AR: variants seen among roughly 807,000 people sequenced by gnomAD.
AR encodes the protein androgen receptor.
Under a neutral mutation model 53.9 loss-of-function variants are expected in AR, and 8 were observed. The ratio of observed to expected loss-of-function variants is 0.15; its 90% CI spans 0.09 to 0.27. The LOEUF (loss-of-function observed/expected upper bound fraction) is 0.27. Ranked by LOEUF, AR falls within the 10% of genes least tolerant of loss-of-function variation. The pLI, the probability that AR is intolerant of heterozygous loss-of-function variation, is 1.00. For synonymous variants in AR, 359 were observed against 316.4 expected, an observed-to-expected ratio of 1.13 and a Z score of -1.43; for missense variants, 639 against 742.5, an observed-to-expected ratio of 0.86 and a Z score of 1.62.
At chrX:67,683,406 A>C (rs2075947516) in intron 2 of AR, among the ~76,000 whole-genome samples, 1 of 112,047 alleles carries the variant, frequency 8.9e-6, no homozygotes. Context: ...TTAAAAAAAA[A>C]AAACTCTGTA....
At chrX:67,651,668 A>T (rs555846224) in intron 2 of AR, among the ~76,000 whole-genome samples, 1 of 111,773 alleles carries the variant, frequency 8.9e-6, no homozygotes, top group East Asian at 2.9e-4. Context: ...GTTAAGAAAG[A>T]TGTTAAGTAC....
At position 67,664,592 on chromosome X, in the gene AR, G is replaced by T. The variant is rs1047871961; in HGVS notation, c.1768+21185G>T. Reference sequence around the variant, plus strand: ...AACCACTTGAGGAGGCAGTCTGTCCGTTCTCAGATCTCCAGCTGCATACTG... The same window carrying T: ...AACCACTTGAGGAGGCAGTCTGTCCTTTCTCAGATCTCCAGCTGCATACTG... On this transcript the variant is annotated intron_variant, in intron 2 of 7. Coordinates refer to ENST00000374690, the MANE Select transcript of AR (RefSeq NM_000044.6). Among the ~76,000 whole-genome samples the T allele has an allele frequency of 2.7e-5, 3 of 112,231 alleles. No individual in the cohort carries two copies. The East Asian group carries it at 8.4e-4, about 32-fold the overall frequency.
intron 1 of AR, among the ~76,000 whole-genome samples, chrX:67,628,294 G>T (rs1412837448): frequency 9.9e-6 from 1 of 101,256 alleles, no homozygotes; most frequent in Non-Finnish European, 2.0e-5. Flanking sequence ...CCATTTGTTT[G>T]TATCCTCTTT....
intron 1 of AR, among the ~76,000 whole-genome samples, chrX:67,624,264 G>C (rs746284139): frequency 2.7e-4 from 30 of 111,609 alleles, no homozygotes; most frequent in Middle Eastern, 4.7e-3. Context: ...CAAAAAATTA[G>C]ATGACCTAGA....
In AR at chrX:67,629,336, A is replaced by C. The variant is rs751153809; in HGVS notation, c.1617-13920A>C. Reference sequence around the variant, plus strand: ...CAGATCCTGTTATTGGTCTATTCAGAGATTCAACTTCTTCCTGGTTTAGTC... The same window carrying C: ...CAGATCCTGTTATTGGTCTATTCAGCGATTCAACTTCTTCCTGGTTTAGTC... On this transcript the variant is annotated intron_variant, in intron 1 of 7. Coordinates refer to ENST00000374690, the MANE Select transcript of AR (RefSeq NM_000044.6). Among the ~76,000 whole-genome samples, 709 of 109,065 alleles carry C rather than the reference A, an allele frequency of 6.5e-3. 3 individuals carry two copies. The highest frequency in any genetic ancestry group is 9.8e-3 in the Non-Finnish European group (510 of 52,205). The allele number at this position is 109,065 out of a possible 115,157, so 94.7% of individuals were successfully genotyped here.
At chrX:67,651,732 T>G (rs1462050160) in intron 2 of AR, among the ~76,000 whole-genome samples, 1 of 111,965 alleles carries the variant, frequency 8.9e-6, no homozygotes, top group Non-Finnish European at 1.9e-5. Flanking sequence ...AGGGAACTTG[T>G]CTTCCTAAGA....
intron 1 of AR, among the ~76,000 whole-genome samples, chrX:67,629,562 A>G (rs1271500432): frequency 1.8e-5 from 2 of 108,988 alleles, no homozygotes; most frequent in African/African-American, 6.7e-5. Context: ...CAGTCTATCA[A>G]TTTTGTTGAT....
intron 1 of AR, among the ~76,000 whole-genome samples, chrX:67,571,693 AT>A (rs979271501): frequency 5.4e-5 from 6 of 111,348 alleles, no homozygotes; most frequent in Admixed American, 3.8e-4. Flanking sequence ...TATTCAAATA[AT>A]TTTTTTAATT....
At chrX:67,678,657 A>AT (rs1466034357) in intron 2 of AR, among the ~76,000 whole-genome samples, 2 of 110,948 alleles carry the variant, frequency 1.8e-5, no homozygotes, top group Non-Finnish European at 3.8e-5. Flanking sequence ...TATCTAATCA[A>AT]TTTTTTTCTG....
intron 3 of AR, among the ~76,000 whole-genome samples, chrX:67,691,122 AGT>A (rs925279982): frequency 1.8e-5 from 2 of 112,435 alleles, no homozygotes; most frequent in African/African-American, 6.5e-5. Flanking sequence ...AATTGTAGAA[AGT>A]GAGACAATTT....
In AR at chrX:67,616,682, G is replaced by T. The variant is rs16990322; in HGVS notation, c.1617-26574G>T. Among the ~76,000 whole-genome samples, 898 of 111,480 alleles carry T rather than the reference G, an allele frequency of 8.1e-3. 7 individuals carry two copies. Among genetic ancestry groups the T allele is most frequent in the African/African-American group, 0.028 (856 of 30,677 alleles). On this transcript the variant is annotated intron_variant, in intron 1 of 7. Transcript: ENST00000374690. ...AACACGACAACCCATTTTCCTGCAA[G>T]CTGTGTTAGTTTGCTCTCTTCTTGG...
intron 2 of AR, among the ~76,000 whole-genome samples, chrX:67,665,334 T>A (rs1175812220): frequency 8.9e-6 from 1 of 112,751 alleles, no homozygotes; most frequent in Non-Finnish European, 1.9e-5. Context: ...ACAGATCACA[T>A]TCCTTGGGTT....
intron 2 of AR, among the ~76,000 whole-genome samples, chrX:67,648,908 A>G (rs1439227420): frequency 7.2e-5 from 8 of 111,762 alleles, no homozygotes; most frequent in Non-Finnish European, 1.5e-4. Context: ...AACTTCTGTG[A>G]TACACGTTCA....
chrX:67,686,872 A>G (rs1349931370), intron 3 of AR, among the ~76,000 whole-genome samples: 1 of 110,908 alleles, frequency 9.0e-6, no homozygotes, highest in Admixed American at 9.6e-5. Context: ...TCACCATTCC[A>G]GAAAGGCTTG....
chrX:67,679,207 G>A (rs1198808086), intron 2 of AR, among the ~76,000 whole-genome samples: 2 of 110,863 alleles, frequency 1.8e-5, no homozygotes, highest in Non-Finnish European at 3.8e-5. Flanking sequence ...GAGCTCTAAG[G>A]CCTTAAGTAT....
At chrX:67,687,453 T>C (rs1396282815) in intron 3 of AR, among the ~76,000 whole-genome samples, 4 of 112,150 alleles carry the variant, frequency 3.6e-5, no homozygotes, top group Non-Finnish European at 7.5e-5. Context: ...GTAGATGTTC[T>C]GTGAGTGGCT....
intron 3 of AR, among the ~76,000 whole-genome samples, chrX:67,697,484 G>A (rs1350262682): frequency 9.0e-6 from 1 of 111,491 alleles, no homozygotes; most frequent in Non-Finnish European, 1.9e-5. Context: ...TCTGAAACCT[G>A]CCAGCATGAC....
At chrX:67,601,149 G>T (rs900489604) in intron 1 of AR, among the ~76,000 whole-genome samples, 4 of 111,965 alleles carry the variant, frequency 3.6e-5, no homozygotes, top group Admixed American at 1.9e-4. Context: ...TTGGTAAAAA[G>T]ACATTTTTAT....
chrX:67,620,392 G>A (rs763909876), intron 1 of AR, among the ~76,000 whole-genome samples: 4 of 109,335 alleles, frequency 3.7e-5, no homozygotes, highest in Non-Finnish European at 5.7e-5. Context: ...TGGACTGAAA[G>A]TCAGATGCTT....
Sources: gnomAD v4.1 joint callset for allele counts (sites outside exome capture counted in the v4.1 genomes callset) on GRCh38, gnomAD v4.1.1 for gene constraint, MANE v1.5 for transcripts, NCBI Gene and HGNC (gene_info 2026-07-23, HGNC 2026-07-21) for gene names.